Variants in PCDHGB1 observed in about 807,000 individuals in gnomAD.
PCDHGB1 encodes the protein protocadherin gamma-B1.
Under a neutral mutation model 56.6 loss-of-function variants are expected in PCDHGB1, and 34 were observed. The ratio of observed to expected loss-of-function variants is 0.60; its 90% CI spans 0.46 to 0.80. The LOEUF (loss-of-function observed/expected upper bound fraction) is 0.80. Among genes scored for constraint, PCDHGB1 ranks in the 30% least tolerant of loss-of-function variants. The probability of loss-of-function intolerance (pLI) is 0.00; values close to 1 mark genes in which losing one functional copy is unlikely to be tolerated. For synonymous variants in PCDHGB1, 561 were observed against 505.9 expected (o/e 1.11, Z -1.46); for missense variants, 1,278 against 1,204.6 (o/e 1.06, Z -0.90).
At chr5:141,441,325 T>C (rs961263461) in intron 1 of PCDHGB1, 1 of 152,192 alleles carries the variant, frequency 6.6e-6, no homozygotes, top group African/African-American at 2.4e-5. Flanking sequence ...AGAAAAATCT[T>C]CCTCCAATAA....
At chr5:141,399,434 T>C (rs937697147) in intron 1 of PCDHGB1, 1 of 1,614,008 alleles carries the variant, frequency 6.2e-7, no homozygotes. Flanking sequence ...AGCGTCATCC[T>C]ACATATCAGA....
rs529565659 is a variant in PCDHGB1, at chr5:141,353,974, T to C, written c.2409+1305T>C. 7.9e-5 allele frequency among the ~76,000 whole-genome samples: 12 copies of C among 152,368 alleles called. 1 individual carries two copies. The East Asian group carries it at 2.3e-3, about 29-fold the overall frequency. On this transcript the variant is annotated intron_variant, in intron 1 of 3. Transcript: ENST00000523390. ...GGAATAAGCTTAAGAACTGATGTAC[T>C]GCTTTATCTCAAATTTTCACAGATT...
Position 141,487,289 on chromosome 5 carries a change from G to A in PCDHGB1, c.2410-7518G>A. The A allele has an allele frequency of 1.2e-6, 2 of 1,614,096 alleles. No individual in the cohort carries two copies. The highest frequency in any genetic ancestry group is 1.7e-6 in the Non-Finnish European group (2 of 1,180,024). On this transcript the variant is annotated intron_variant, in intron 1 of 3. Coordinates refer to ENST00000523390, the MANE Select transcript of PCDHGB1 (RefSeq NM_018922.3). The surrounding 1 kb of genome is among the most constrained non-coding windows in gnomAD (Gnocchi z 5.0). ...AGTGGCAATTTGCTTTGTCTCCTTTGGCTCATTCGTGGCACTACTCTCTAA... is the reference window on the plus strand; with the variant it reads ...AGTGGCAATTTGCTTTGTCTCCTTTAGCTCATTCGTGGCACTACTCTCTAA...
chr5:141,394,292 G>A (rs1173905383), intron 1 of PCDHGB1: 18 of 1,613,852 alleles, frequency 1.1e-5, no homozygotes, highest in Non-Finnish European at 1.4e-5. Flanking sequence ...CTGTGACCGA[G>A]GACACGCTGC....
intron 1 of PCDHGB1, chr5:141,415,862 A>G: frequency 1.8e-6 from 2 of 1,107,350 alleles, no homozygotes; most frequent in Non-Finnish European, 1.2e-6. Flanking sequence ...TGTAGTTTAT[A>G]GTGTTGTTGA....
At chr5:141,455,208 A>G (rs1450523873) in intron 1 of PCDHGB1, among the ~76,000 whole-genome samples, 1 of 151,996 alleles carries the variant, frequency 6.6e-6, no homozygotes, top group Non-Finnish European at 1.5e-5. Context: ...AACCAATAAG[A>G]GTTTTTAATG....
intron 1 of PCDHGB1, chr5:141,370,471 A>G (rs773034189): frequency 3.1e-6 from 5 of 1,613,570 alleles, no homozygotes; most frequent in Non-Finnish European, 4.2e-6. Flanking sequence ...TCTTTGTTAG[A>G]CCAGGCTCTC....
In PCDHGB1 at chr5:141,511,346, C is replaced by T; in HGVS notation, c.*173C>T. 7.1e-7 allele frequency: 1 copy of T among 1,400,168 alleles called. No homozygotes were observed. The allele number at this position is 1,400,168 out of a possible 1,614,324, so 86.7% of individuals were successfully genotyped here. A position where few individuals can be genotyped will look rare whatever the true frequency, so the allele number is the denominator to read the frequency against. On this transcript the variant is annotated 3_prime_UTR_variant, in exon 4 of 4. Transcript: ENST00000523390. ...AGTGCCCAGTCAGCACCTACCCCTT[C>T]CCCCCCAGGGGGTTGAATATGCAAA...
chr5:141,398,087 G>T (rs1377881034), intron 1 of PCDHGB1: 1 of 1,599,430 alleles, frequency 6.3e-7, no homozygotes, highest in African/African-American at 1.3e-5. Flanking sequence ...TTGTAACCTG[G>T]CGTCTCCAGG....
chr5:141,464,263 TAAA>T (rs35224477), intron 1 of PCDHGB1, among the ~76,000 whole-genome samples: 2 of 103,604 alleles, frequency 1.9e-5, no homozygotes, highest in Non-Finnish European at 1.9e-5. Flanking sequence ...AGACTCCGTC[TAAA>T]AAAAAAAAAA....
rs77983663 is a variant in PCDHGB1, at chr5:141,504,853, C to T, written c.2469-540C>T. 2.8e-4 allele frequency among the ~76,000 whole-genome samples: 42 copies of T among 152,214 alleles called. No homozygotes were observed. In the East Asian group the frequency reaches 7.7e-3, roughly 28 times the overall value. On this transcript the variant is annotated intron_variant, in intron 2 of 3. Transcript: ENST00000523390. ...TTCTCTAGCTCTGGAACATTCTCTT[C>T]CATTTCCCACCTTCACAGTCCTCTG... is the stretch of plus-strand genomic sequence containing the variant.
At chr5:141,424,300 AAC>A (rs1370166165) in intron 1 of PCDHGB1, 2 of 152,504 alleles carry the variant, frequency 1.3e-5, no homozygotes, top group Non-Finnish European at 2.9e-5. Context: ...TCATCCTATC[AAC>A]ACAGACATAT....
At chr5:141,502,274 A>G (rs573517581) in intron 2 of PCDHGB1, among the ~76,000 whole-genome samples, 18 of 152,128 alleles carry the variant, frequency 1.2e-4, no homozygotes, top group African/African-American at 4.1e-4. Context: ...ATCAAGGAGC[A>G]TAGATTGCAT....
chr5:141,489,225 A>G lies in PCDHGB1; in HGVS notation c.2410-5582A>G. 3 of 1,518,230 alleles carry G rather than the reference A, an allele frequency of 2.0e-6. No individual in the cohort carries two copies. Among genetic ancestry groups the G allele is most frequent in the East Asian group, 2.3e-5 (1 of 44,234 alleles). 94.0% of individuals were successfully genotyped at this position (1,518,230 alleles called of 1,614,324 possible). On this transcript the variant is annotated intron_variant, in intron 1 of 3. Coordinates refer to ENST00000523390, the MANE Select transcript of PCDHGB1 (RefSeq NM_018922.3). The surrounding 1 kb of genome is among the most constrained non-coding windows in gnomAD (Gnocchi z 4.5). ...GGACAGCACAGACTTACTCTCCACA[A>G]AGGGACTTCTGGGTCATGGGGCCCA...
chr5:141,414,515 C>T, intron 1 of PCDHGB1: 1 of 1,613,958 alleles, frequency 6.2e-7, no homozygotes, highest in Non-Finnish European at 8.5e-7. Flanking sequence ...CTACAAGTGG[C>T]AGATATCAAT....
chr5:141,439,965 T>C (rs1212358198), intron 1 of PCDHGB1: 1 of 152,760 alleles, frequency 6.5e-6, no homozygotes, highest in Non-Finnish European at 1.5e-5. Flanking sequence ...CGTTATTCAG[T>C]CCTAGAGGAG....
chr5:141,433,406 T>TC (rs397794347), intron 1 of PCDHGB1, among the ~76,000 whole-genome samples: 446 of 150,100 alleles, frequency 3.0e-3, no homozygotes, highest in African/African-American at 0.01. Context: ...TATCTATCTA[T>TC]TACTTTCTTG....
At position 141,486,891 on chromosome 5, in the gene PCDHGB1, G is replaced by A. The variant is rs201201426; in HGVS notation, c.2410-7916G>A. 38 of 1,614,118 alleles carry A rather than the reference G, an allele frequency of 2.4e-5. No individual in the cohort carries two copies. The highest frequency in any genetic ancestry group is 3.1e-5 in the Non-Finnish European group (37 of 1,180,064). Reference sequence around the variant, plus strand: ...GTGCTCCGTCCTCGGGCCCGGCCTGGTTCCTTATGTCCCCAAGCACTGCCT... The same window carrying A: ...GTGCTCCGTCCTCGGGCCCGGCCTGATTCCTTATGTCCCCAAGCACTGCCT... On this transcript the variant is annotated intron_variant, in intron 1 of 3. Coordinates refer to ENST00000523390, the MANE Select transcript of PCDHGB1 (RefSeq NM_018922.3). This position sits in a 1 kb window ranked among gnomAD's most constrained non-coding sequence, Gnocchi z 5.0.
At chr5:141,379,467 G>A (rs1337785290) in intron 1 of PCDHGB1, 1 of 152,222 alleles carries the variant, frequency 6.6e-6, no homozygotes, top group Non-Finnish European at 1.5e-5. Context: ...CTCTGAAAGT[G>A]TGAATGTTAT....
Sources: gnomAD v4.1 joint callset for allele counts (sites outside exome capture counted in the v4.1 genomes callset) on GRCh38, gnomAD v4.1.1 for gene constraint, Gnocchi (gnomAD v3.1) non-coding constraint, MANE v1.5 for transcripts, NCBI Gene and HGNC (gene_info 2026-07-23, HGNC 2026-07-21) for gene names.